Variants in BTBD9 observed in about 807,000 individuals in gnomAD.
BTBD9 encodes the protein BTB domain containing 9, also known as BTB/POZ domain-containing protein 9.
In BTBD9, 49 loss-of-function variants were observed where a neutral mutation model predicts 64.3. The ratio of observed to expected loss-of-function variants is 0.76; its 90% CI spans 0.61 to 0.97. The LOEUF (loss-of-function observed/expected upper bound fraction) is 0.97, where lower values mean the gene tolerates loss of function less well. Ranked by LOEUF, BTBD9 falls within the 50% of genes least tolerant of loss-of-function variation. The pLI is 0.00. For synonymous variants in BTBD9, 260 were observed against 274.7 expected, an observed-to-expected ratio of 0.95 and a Z score of 0.53; for missense variants, 598 against 762.1, an observed-to-expected ratio of 0.78 and a Z score of 2.53.
chr6:38,356,357 T>C (rs894897970), intron 6 of BTBD9, among the ~76,000 whole-genome samples: 1 of 152,198 alleles, frequency 6.6e-6, no homozygotes, highest in East Asian at 1.9e-4. Context: ...GTATTGGACT[T>C]CCTCATCTTG....
At chr6:38,255,516 A>C (rs1445635391) in intron 9 of BTBD9, among the ~76,000 whole-genome samples, 1 of 152,218 alleles carries the variant, frequency 6.6e-6, no homozygotes, top group Non-Finnish European at 1.5e-5. Context: ...ACAAAGAGGT[A>C]CTGATCTCTT....
At chr6:38,491,679 A>G (rs1320553748) in intron 6 of BTBD9, among the ~76,000 whole-genome samples, 1 of 152,164 alleles carries the variant, frequency 6.6e-6, no homozygotes, top group Non-Finnish European at 1.5e-5. Flanking sequence ...TCACACACCA[A>G]TAAATACATT....
At chr6:38,519,577 TA>T (rs1456551082) in intron 6 of BTBD9, among the ~76,000 whole-genome samples, 1 of 152,230 alleles carries the variant, frequency 6.6e-6, no homozygotes, top group Non-Finnish European at 1.5e-5. Context: ...AAAACTTCAT[TA>T]ATAAAATTTG....
At chr6:38,242,124 T>C (rs1764010620) in intron 9 of BTBD9, among the ~76,000 whole-genome samples, 1 of 152,216 alleles carries the variant, frequency 6.6e-6, no homozygotes, top group Non-Finnish European at 1.5e-5. Flanking sequence ...ATAGTCTTCA[T>C]CATACTTCTG....
At chr6:38,491,146 G>A (rs183812168) in intron 6 of BTBD9, among the ~76,000 whole-genome samples, 89 of 152,326 alleles carry the variant, frequency 5.8e-4, no homozygotes, top group Middle Eastern at 3.4e-3. Flanking sequence ...AAAAGACAAC[G>A]AAACTCAAGC....
intron 6 of BTBD9, among the ~76,000 whole-genome samples, chr6:38,464,243 C>T (rs934746562): frequency 3.9e-5 from 6 of 152,048 alleles, no homozygotes; most frequent in African/African-American, 1.4e-4. Flanking sequence ...CTTTCAGACT[C>T]GTGAGAAAAT....
rs555511368 is a variant in BTBD9 at position 38,228,441 on chromosome 6, T to G, written c.1562+27968A>C. Among the ~76,000 whole-genome samples the G allele has an allele frequency of 1.0e-3, 155 of 149,372 alleles. No individual in the cohort carries two copies. In the Middle Eastern group the frequency reaches 0.014, roughly 13 times the overall value. On this transcript the variant is annotated intron_variant, in intron 9 of 10. Coordinates refer to ENST00000481247, the MANE Select transcript of BTBD9 (RefSeq NM_001099272.2). ...ACTATGATGTGTCAGTGTAGGTTCA[T>G]CAAATGCAACAAATGTACCACTCTG...
chr6:38,484,989 C>T (rs1771331962), intron 6 of BTBD9, among the ~76,000 whole-genome samples: 1 of 152,210 alleles, frequency 6.6e-6, no homozygotes, highest in Non-Finnish European at 1.5e-5. Context: ...TGCTGTTTGA[C>T]AGCATTTTTA....
chr6:38,596,694 G>A (rs9380757), intron 2 of BTBD9, among the ~76,000 whole-genome samples: 9,372 of 151,880 alleles, frequency 0.062, 691 homozygotes, highest in East Asian at 0.23. Context: ...CCAGCTACTC[G>A]GGAGGCTGAG....
chr6:38,628,547 G>A (rs1434223411), intron 1 of BTBD9, among the ~76,000 whole-genome samples: 1 of 152,136 alleles, frequency 6.6e-6, no homozygotes, highest in Non-Finnish European at 1.5e-5. Context: ...ACACGAAAAG[G>A]GGAATGGGTA....
chr6:38,432,698 A>T (rs1383604825), intron 6 of BTBD9, among the ~76,000 whole-genome samples: 1 of 151,924 alleles, frequency 6.6e-6, no homozygotes, highest in African/African-American at 2.4e-5. Flanking sequence ...TTATGATTCA[A>T]CAGGTCCTGT....
At chr6:38,254,887 T>C (rs1764524957) in intron 9 of BTBD9, among the ~76,000 whole-genome samples, 1 of 152,210 alleles carries the variant, frequency 6.6e-6, no homozygotes, top group South Asian at 2.1e-4. Flanking sequence ...AGTTATCCGA[T>C]GACCCAGCAA....
chr6:38,258,771 T>A (rs1764692798), intron 8 of BTBD9, among the ~76,000 whole-genome samples: 1 of 152,140 alleles, frequency 6.6e-6, no homozygotes, highest in Non-Finnish European at 1.5e-5. Context: ...GCACCTGTAA[T>A]CCCAGCTACT....
chr6:38,541,974 A>C (rs200326878), intron 6 of BTBD9, among the ~76,000 whole-genome samples: 2 of 152,314 alleles, frequency 1.3e-5, no homozygotes, highest in East Asian at 3.9e-4. Flanking sequence ...TATGAACTTG[A>C]CTACATATTT....
At chr6:38,324,965 G>A (rs1302165379) in intron 7 of BTBD9, among the ~76,000 whole-genome samples, 1 of 152,166 alleles carries the variant, frequency 6.6e-6, no homozygotes, top group Non-Finnish European at 1.5e-5. Flanking sequence ...TACCTTGTGA[G>A]ACTGTTGCAA....
intron 6 of BTBD9, among the ~76,000 whole-genome samples, chr6:38,411,347 C>T (rs556273354): frequency 7.2e-5 from 11 of 152,112 alleles, no homozygotes; most frequent in Admixed American, 2.6e-4. Context: ...GCACATGAAT[C>T]GACTGCTCAG....
intron 8 of BTBD9, among the ~76,000 whole-genome samples, chr6:38,263,909 AAAG>A (rs1764879019): frequency 6.6e-6 from 1 of 152,218 alleles, no homozygotes; most frequent in Admixed American, 6.5e-5. Context: ...ACTGGACAGA[AAAG>A]GTACGCAATA....
intron 7 of BTBD9, among the ~76,000 whole-genome samples, chr6:38,316,304 G>GTGT (rs1175844735): frequency 6.6e-6 from 1 of 152,108 alleles, no homozygotes; most frequent in Admixed American, 6.5e-5. Context: ...TTTATATTCA[G>GTGT]TGTTATTGCT....
At chr6:38,437,060 T>C (rs1041342033) in intron 6 of BTBD9, among the ~76,000 whole-genome samples, 1 of 152,170 alleles carries the variant, frequency 6.6e-6, no homozygotes, top group African/African-American at 2.4e-5. Flanking sequence ...AAGGGCTGGG[T>C]TGGTGATAAT....
Sources: gnomAD v4.1 joint callset for allele counts (sites outside exome capture counted in the v4.1 genomes callset) on GRCh38, gnomAD v4.1.1 for gene constraint, MANE v1.5 for transcripts, NCBI Gene and HGNC (gene_info 2026-07-23, HGNC 2026-07-21) for gene names.